The following LRP12 variants were observed in gnomAD, a reference collection of about 807,000 sequenced individuals.
LRP12 encodes the protein LDL receptor related protein 12.
Under a neutral mutation model 66.0 loss-of-function variants are expected in LRP12, and 14 were observed. That is an observed-to-expected ratio of 0.21 (90% CI 0.14 to 0.33). The LOEUF (loss-of-function observed/expected upper bound fraction) is 0.33, where lower values mean the gene tolerates loss of function less well. LRP12 is among the 10% of genes least tolerant of loss of function. LRP12 has a pLI of 1.00. For missense variants in LRP12, 889 were observed against 1,053.4 expected (o/e 0.84, Z 2.16); for synonymous variants, 357 against 359.1 (o/e 0.99, Z 0.07).
chr8:104,520,440 C>T (rs1564134511), intron 2 of LRP12, among the ~76,000 whole-genome samples: 1 of 151,976 alleles, frequency 6.6e-6, no homozygotes, highest in Non-Finnish European at 1.5e-5. Flanking sequence ...AAAGGTAAGG[C>T]AGAAATCCTC....
At chr8:104,574,041 G>A (rs6984085) in intron 1 of LRP12, among the ~76,000 whole-genome samples, 4,663 of 152,098 alleles carry the variant, frequency 0.031, 237 homozygotes, top group African/African-American at 0.11. Flanking sequence ...TTTATAGATA[G>A]ATGAATTCAT....
chr8:104,543,462 C>A (rs1198294504), intron 1 of LRP12, among the ~76,000 whole-genome samples: 2 of 152,130 alleles, frequency 1.3e-5, no homozygotes, highest in Non-Finnish European at 1.5e-5. Flanking sequence ...CTGACGAATA[C>A]TGTGTGTGTT....
chr8:104,503,841 T>C (rs960058763), intron 3 of LRP12, among the ~76,000 whole-genome samples: 4 of 152,220 alleles, frequency 2.6e-5, no homozygotes, highest in Non-Finnish European at 5.9e-5. Context: ...TGTTGCACTG[T>C]TGCATTCACT....
intron 1 of LRP12, among the ~76,000 whole-genome samples, chr8:104,536,471 G>T (rs560475876): frequency 1.2e-4 from 18 of 152,052 alleles, no homozygotes; most frequent in African/African-American, 3.9e-4. Flanking sequence ...ACACAGCAGG[G>T]TTTTGTTTTG....
chr8:104,568,950 G>C (rs1265047907), intron 1 of LRP12, among the ~76,000 whole-genome samples: 1 of 152,144 alleles, frequency 6.6e-6, no homozygotes, highest in Non-Finnish European at 1.5e-5. Flanking sequence ...CTGAAACTAT[G>C]TGTCCACACA....
chr8:104,506,997 ATCTG>A (rs1188846433), intron 3 of LRP12: 1 of 152,198 alleles, frequency 6.6e-6, no homozygotes, highest in African/African-American at 2.4e-5. Context: ...GCTTCAAAGC[ATCTG>A]TGTACACTAG....
chr8:104,588,768 G>A (rs1359594928), intron 1 of LRP12, 51 bp downstream of exon 1: 1 of 1,560,514 alleles, frequency 6.4e-7, no homozygotes, highest in Non-Finnish European at 8.8e-7. Flanking sequence ...TCGGGGCCCG[G>A]GTCGCCTCAG....
In LRP12 at chr8:104,493,780, A is replaced by T. The variant is rs545558497; in HGVS notation, c.1713+1297T>A. On this transcript the variant is annotated intron_variant, in intron 6 of 6. Transcript: ENST00000276654. ...GAGCTTTCCTGATTGGTAACACTCC[A>T]TGCATATTGTCACATATCTGTGTTC... 1.3e-4 allele frequency among the ~76,000 whole-genome samples: 20 copies of T among 152,328 alleles called. No homozygotes were observed. The South Asian group carries it at 1.7e-3, about 13-fold the overall frequency.
At position 104,552,951 on chromosome 8, in the gene LRP12, A is replaced by G. The variant is rs1468095756; in HGVS notation, c.80-20988T>C. 2.6e-5 allele frequency among the ~76,000 whole-genome samples: 4 copies of G among 152,210 alleles called. No individual in the cohort carries two copies. In the East Asian group the frequency reaches 7.7e-4, roughly 29 times the overall value. ...GTGTGAGGGGGGAACGTTTGCCCCT[A>G]AATGCACATCCTCACTGGTCCAGAT... On this transcript the variant is annotated intron_variant, in intron 1 of 6. Coordinates refer to ENST00000276654, the MANE Select transcript of LRP12 (RefSeq NM_013437.5).
chr8:104,536,207 C>A (rs1447448473), intron 1 of LRP12, among the ~76,000 whole-genome samples: 1 of 152,084 alleles, frequency 6.6e-6, no homozygotes, highest in African/African-American at 2.4e-5. Context: ...CATTCTATCT[C>A]TTCTTTCCAG....
At chr8:104,546,584 T>TA (rs1811560856) in intron 1 of LRP12, among the ~76,000 whole-genome samples, 1 of 152,082 alleles carries the variant, frequency 6.6e-6, no homozygotes, top group Non-Finnish European at 1.5e-5. Flanking sequence ...ACAATTAACT[T>TA]AGACAATTCT....
chr8:104,501,985 T>A (rs1186458304), intron 3 of LRP12, among the ~76,000 whole-genome samples: 1 of 152,216 alleles, frequency 6.6e-6, no homozygotes, highest in Non-Finnish European at 1.5e-5. Context: ...GAGATTTATA[T>A]AAATTTTCGT....
chr8:104,547,617 A>G (rs545514811), intron 1 of LRP12, among the ~76,000 whole-genome samples: 149 of 125,736 alleles, frequency 1.2e-3, no homozygotes, highest in African/African-American at 4.4e-3. Context: ...AATATATAAT[A>G]TATTAATATA....
chr8:104,548,466 A>G (rs1266495100), intron 1 of LRP12, among the ~76,000 whole-genome samples: 1 of 122,470 alleles, frequency 8.2e-6, no homozygotes, highest in African/African-American at 3.4e-5. Context: ...TGTATCTAAT[A>G]TATAATTCTA....
intron 1 of LRP12, among the ~76,000 whole-genome samples, chr8:104,587,014 G>T (rs965501787): frequency 1.3e-5 from 2 of 152,034 alleles, no homozygotes; most frequent in African/African-American, 2.4e-5. Context: ...GCTTTGATAG[G>T]CACCTACCAG....
At chr8:104,560,300 C>A (rs560374580) in intron 1 of LRP12, among the ~76,000 whole-genome samples, 3 of 152,148 alleles carry the variant, frequency 2.0e-5, no homozygotes, top group Admixed American at 2.0e-4. Context: ...AAATATGAGG[C>A]TCTTCTACCA....
intron 1 of LRP12, among the ~76,000 whole-genome samples, chr8:104,557,163 C>T (rs574670264): frequency 3.3e-5 from 5 of 152,164 alleles, no homozygotes; most frequent in Middle Eastern, 3.4e-3. Flanking sequence ...TTATACTGAA[C>T]GGGGAAAGTT....
At chr8:104,494,401 AATTAT>A (rs1427757771) in intron 6 of LRP12, among the ~76,000 whole-genome samples, 2 of 152,192 alleles carry the variant, frequency 1.3e-5, no homozygotes, top group African/African-American at 4.8e-5. Flanking sequence ...TTTTGAAAGT[AATTAT>A]ATTACTGGGA....
chr8:104,546,530 C>T lies in LRP12; in HGVS notation c.80-14567G>A, dbSNP rs143422894. The stretch of plus-strand genomic sequence containing the variant: ...CTAAAGTTGTAAGAATAGATTCCAT[C>T]GTCCCCACATTATGGATGCGAAAAC... On this transcript the variant is annotated intron_variant, in intron 1 of 6. Coordinates refer to ENST00000276654, the MANE Select transcript of LRP12 (RefSeq NM_013437.5). 6.0e-3 allele frequency among the ~76,000 whole-genome samples: 916 copies of T among 152,138 alleles called. 9 individuals carry two copies. The highest frequency in any genetic ancestry group is 0.012 in the Admixed American group (190 of 15,260).
Sources: gnomAD v4.1 joint callset for allele counts (sites outside exome capture counted in the v4.1 genomes callset) on GRCh38, gnomAD v4.1.1 for gene constraint, MANE v1.5 for transcripts, NCBI Gene and HGNC (gene_info 2026-07-23, HGNC 2026-07-21) for gene names.